The following TBC1D25 variants were observed in gnomAD, a reference collection of about 807,000 sequenced individuals.
The protein encoded by TBC1D25 is 5SN3 snoRNA.
TBC1D25 carries 13 observed loss-of-function variants against 38.8 expected under a neutral mutation model. That is an observed-to-expected ratio of 0.34 (90% CI 0.22 to 0.53). The LOEUF (loss-of-function observed/expected upper bound fraction) is 0.53, where lower values mean the gene tolerates loss of function less well. Among genes scored for constraint, TBC1D25 ranks in the 20% least tolerant of loss-of-function variants. The probability of loss-of-function intolerance (pLI) is 0.94; values close to 1 mark genes in which losing one functional copy is unlikely to be tolerated. For missense variants in TBC1D25, 372 were observed against 600.0 expected (o/e 0.62, Z 3.97); for synonymous variants, 225 against 255.6 (o/e 0.88, Z 1.14).
intron 3 of TBC1D25, among the ~76,000 whole-genome samples, chrX:48,548,078 AGTTT>A (rs781815814): frequency 2.3e-4 from 25 of 107,813 alleles, no homozygotes; most frequent in African/African-American, 8.1e-4. Flanking sequence ...TCATTGTAGT[AGTTT>A]GTTTTCTGTT....
intron 1 of TBC1D25, among the ~76,000 whole-genome samples, chrX:48,540,283 A>G (rs2061828487): frequency 9.0e-6 from 1 of 111,641 alleles, no homozygotes; most frequent in African/African-American, 3.3e-5. Context: ...ATGTGTTGAG[A>G]GTGCACTTAT....
At position 48,560,817 on chromosome X, in the gene TBC1D25, G is replaced by A. The variant is rs782430501; in HGVS notation, c.1909G>A (p.Gly637Arg). The A allele has an allele frequency of 8.2e-7, 1 of 1,212,399 alleles. No individual in the cohort carries two copies. Among genetic ancestry groups the A allele is most frequent in the South Asian group, 1.8e-5 (1 of 57,051 alleles). ...GCACCGCGACCACATCATGCGCAAT[G>A]GGCTGGATTATAATGAGCTGGCCAT... ...LEHRDHIMRN[G>R]LDYNELAMHF... is the part of the protein sequence containing the mutation. The change falls in exon 6 of 6, where the codon GGG becomes AGG. Residue 637 changes from glycine to arginine, a missense_variant. Physicochemically the swap from Gly to Arg is moderately radical, Grantham distance 125 (BLOSUM62 -2). Coordinates refer to ENST00000376771, the MANE Select transcript of TBC1D25 (RefSeq NM_002536.4).
chrX:48,542,319 C>T (rs374314467), intron 2 of TBC1D25, among the ~76,000 whole-genome samples: 1 of 108,063 alleles, frequency 9.3e-6, no homozygotes, highest in Non-Finnish European at 1.9e-5. Context: ...CAGGCACGCA[C>T]CACCACGCCT....
At chrX:48,554,976 G>A (rs1602114488) in intron 3 of TBC1D25, among the ~76,000 whole-genome samples, 1 of 112,117 alleles carries the variant, frequency 8.9e-6, no homozygotes, top group African/African-American at 3.2e-5. Flanking sequence ...CAGAGGAAGT[G>A]AGGACTGGTT....
chrX:48,544,587 C>T (rs1009354709), intron 2 of TBC1D25, among the ~76,000 whole-genome samples: 3 of 111,199 alleles, frequency 2.7e-5, no homozygotes, highest in Admixed American at 1.9e-4. Context: ...TCCCAAAGTG[C>T]GGAGATTATA....
intron 3 of TBC1D25, among the ~76,000 whole-genome samples, chrX:48,551,490 G>A (rs782455053): frequency 1.8e-5 from 2 of 110,503 alleles, no homozygotes; most frequent in South Asian, 7.7e-4. Flanking sequence ...ACCACGCCCA[G>A]CTAATTTTTG....
Position 48,541,347 on chromosome X carries a change from C to G in TBC1D25, c.138C>G (p.Phe46Leu). 1 of 1,211,700 alleles carries G rather than the reference C, an allele frequency of 8.3e-7. No homozygotes were observed. The highest frequency in any genetic ancestry group is 1.1e-6 in the Non-Finnish European group (1 of 895,477). ...VRVRVKKCES[F>L]LPPEFRSFAV... ...TCTCTCCCCAGAAATGTGAGAGCTTCTTGCCGCCAGAGTTCCGCTCTTTTG... is the reference window on the plus strand; with the variant it reads ...TCTCTCCCCAGAAATGTGAGAGCTTGTTGCCGCCAGAGTTCCGCTCTTTTG... The change falls in exon 2 of 6, where the codon TTC becomes TTG. Residue 46 changes from phenylalanine to leucine, a missense_variant. Physicochemically the swap from Phe to Leu is conservative, Grantham distance 22. Coordinates refer to ENST00000376771, the MANE Select transcript of TBC1D25 (RefSeq NM_002536.4).
chrX:48,552,459 A>G (rs964536308), intron 3 of TBC1D25, among the ~76,000 whole-genome samples: 1 of 105,528 alleles, frequency 9.5e-6, no homozygotes, highest in East Asian at 3.0e-4. Flanking sequence ...GGTTCAAGCA[A>G]TTCTCCCTCA....
chrX:48,551,422 G>A (rs1216988893), intron 3 of TBC1D25, among the ~76,000 whole-genome samples: 1 of 110,866 alleles, frequency 9.0e-6, no homozygotes, highest in Non-Finnish European at 1.9e-5. Flanking sequence ...CTGCCTCCCA[G>A]GTTCAAGCGA....
intron 3 of TBC1D25, among the ~76,000 whole-genome samples, chrX:48,546,246 G>A (rs1179207021): frequency 2.0e-5 from 2 of 100,347 alleles, no homozygotes; most frequent in Non-Finnish European, 4.0e-5. Context: ...GAGCACGGTG[G>A]CTCACGCCTG....
chrX:48,547,768 T>C (rs1338575784), intron 3 of TBC1D25, among the ~76,000 whole-genome samples: 1 of 110,681 alleles, frequency 9.0e-6, no homozygotes, highest in Non-Finnish European at 1.9e-5. Flanking sequence ...CGAAACCCTG[T>C]CTCTACTAAA....
rs1374308989 is a variant in TBC1D25 at position 48,560,894 on chromosome X, G to A, written c.1986G>A (p.Arg662=). The part of the protein sequence containing the change: ...RKHHLGRVLR[R]ARALFADYLQ... Reference sequence around the variant, plus strand: ...ACCACCTGGGGCGCGTCCTGCGCCGGGCTAGGGCTCTCTTTGCTGATTACC... The same window carrying A: ...ACCACCTGGGGCGCGTCCTGCGCCGAGCTAGGGCTCTCTTTGCTGATTACC... Residue 662 remains arginine, a synonymous_variant, in exon 6 of 6, where the codon CGG becomes CGA. Transcript: ENST00000376771. 2.5e-6 allele frequency: 3 copies of A among 1,211,012 alleles called. No individual in the cohort carries two copies. The highest frequency in any genetic ancestry group is 3.0e-5 in the East Asian group (1 of 33,787).
rs782819823 is a variant in TBC1D25, at chrX:48,559,640, G to A, written c.732G>A (p.Val244=). 2.5e-6 allele frequency: 3 copies of A among 1,211,046 alleles called. No individual in the cohort carries two copies. Among genetic ancestry groups the A allele is most frequent in the Non-Finnish European group, 3.4e-6 (3 of 895,023 alleles). Residue 244 remains valine (V), a synonymous_variant, in exon 6 of 6, where the codon GTG becomes GTA. Coordinates refer to ENST00000376771, the MANE Select transcript of TBC1D25 (RefSeq NM_002536.4). ...TGGTGTGGCGGTACCTGCTGAACGT[G>A]TATCCAGATGGACTGACAGGCCGAG... The part of the protein sequence containing the change: ...RKVVWRYLLN[V]YPDGLTGRER...
At chrX:48,555,994 G>A (rs181440490) in intron 3 of TBC1D25, among the ~76,000 whole-genome samples, 2 of 106,621 alleles carry the variant, frequency 1.9e-5, no homozygotes, top group Admixed American at 2.1e-4. Context: ...GCTTTACACC[G>A]AGACATTCCA....
chrX:48,539,841 C>T lies in TBC1D25; in HGVS notation c.44C>T (p.Ala15Val). Residue 15 changes from alanine to valine, a missense_variant, in exon 1 of 6, where the codon GCG becomes GTG. Coordinates refer to ENST00000376771, the MANE Select transcript of TBC1D25 (RefSeq NM_002536.4). ...GCCTCGGACTTGTCTGGCTCCGGAGCGCCCCCGCCCGGTGTGGGAGCTCAG... is the reference window on the plus strand; with the variant it reads ...GCCTCGGACTTGTCTGGCTCCGGAGTGCCCCCGCCCGGTGTGGGAGCTCAG... ...SGASDLSGSG[A>V]PPPGVGAQAA... 1.0e-6 allele frequency: 1 copy of T among 965,714 alleles called. No homozygotes were observed. Among genetic ancestry groups the T allele is most frequent in the Non-Finnish European group, 1.3e-6 (1 of 767,911 alleles). The allele number at this position is 965,714 out of a possible 1,213,427, so 79.6% of individuals were successfully genotyped here.
At chrX:48,542,319 C>G (rs374314467) in intron 2 of TBC1D25, among the ~76,000 whole-genome samples, 13 of 108,101 alleles carry the variant, frequency 1.2e-4, no homozygotes, top group African/African-American at 4.4e-4. Flanking sequence ...CAGGCACGCA[C>G]CACCACGCCT....
chrX:48,556,318 T>TG (rs2061974396), intron 3 of TBC1D25, among the ~76,000 whole-genome samples: 1 of 111,582 alleles, frequency 9.0e-6, no homozygotes, highest in Admixed American at 9.7e-5. Context: ...ACAAGGCACA[T>TG]CCTGCATAGC....
At chrX:48,553,252 A>C in intron 3 of TBC1D25, among the ~76,000 whole-genome samples, 1 of 59,699 alleles carries the variant, frequency 1.7e-5, no homozygotes, top group South Asian at 6.4e-4. Context: ...AATATATATA[A>C]TATAATATAT....
rs781924198 is a variant in TBC1D25 at position 48,541,382 on chromosome X, C to T, written c.173C>T (p.Pro58Leu). ...PPEFRSFAVDPQITSLDVLQH... is the reference protein window; with the variant it reads ...PPEFRSFAVDLQITSLDVLQH... ...GAGTTCCGCTCTTTTGCTGTAGATCCCCAGATCACCTCGCTCGACGTGTTG... is the reference window on the plus strand; with the variant it reads ...GAGTTCCGCTCTTTTGCTGTAGATCTCCAGATCACCTCGCTCGACGTGTTG... Residue 58 changes from proline to leucine, a missense_variant, in exon 2 of 6, where the codon CCC (proline) becomes CTC (leucine). Physicochemically the swap from Pro to Leu is moderately conservative, Grantham distance 98. This residue lies in a region of TBC1D25 where 60 missense variants were observed against 50.7 expected (regional missense o/e 1.18). Transcript: ENST00000376771. 8.3e-7 allele frequency: 1 copy of T among 1,211,903 alleles called. No homozygotes were observed. The highest frequency in any genetic ancestry group is 1.1e-6 in the Non-Finnish European group (1 of 895,576).
Sources: allele counts gnomAD v4.1 joint callset (sites outside exome capture counted in the v4.1 genomes callset), GRCh38; gene constraint gnomAD v4.1.1; regional missense constraint gnomAD v4.1.1; transcripts MANE v1.5; gene names NCBI Gene and HGNC (gene_info 2026-07-23, HGNC 2026-07-21).